Variants in NET1 observed in about 807,000 individuals in gnomAD.
NET1 encodes neuroepithelial cell-transforming gene 1 protein.
In NET1, 42 loss-of-function variants were observed where a neutral mutation model predicts 61.1. The ratio of observed to expected loss-of-function variants is 0.69; its 90% confidence interval spans 0.54 to 0.89. The LOEUF is 0.89. NET1 is among the 40% of genes least tolerant of loss of function. The pLI is 0.00. For synonymous variants in NET1, 254 were observed against 281.8 expected (o/e 0.90, Z 0.99); for missense variants, 654 against 747.3 (o/e 0.88, Z 1.46).
intron 3 of NET1, among the ~76,000 whole-genome samples, chr10:5,430,405 C>T (rs1437730848): frequency 6.9e-6 from 1 of 144,816 alleles, no homozygotes; most frequent in East Asian, 2.0e-4. Context: ...GGCGGAGTCT[C>T]GCTCTGTCTC....
Position 5,426,799 on chromosome 10 carries a change from A to G in NET1, c.195+78A>G, listed in dbSNP as rs1832265196. The G allele has an allele frequency of 1.0e-6, 1 of 969,246 alleles. No individual in the cohort carries two copies. The highest frequency in any genetic ancestry group is 1.5e-6 in the Non-Finnish European group (1 of 666,466). 60.0% of individuals were successfully genotyped at this position (969,246 alleles called of 1,614,324 possible). A position where few individuals can be genotyped will look rare whatever the true frequency, so the allele number is the denominator to read the frequency against. ...TGGTTTCTTTCAGTCTGTTACACAG[A>G]TCAGTGGTCCTTACTTCTGAGGGTC... is the stretch of plus-strand genomic sequence containing the variant. On this transcript the variant is annotated intron_variant, in intron 2 of 11. Transcript: ENST00000355029. This position sits in a 1 kb window ranked among gnomAD's most constrained non-coding sequence, Gnocchi z 4.6.
At position 5,441,643 on chromosome 10, in the gene NET1, T is replaced by C. The variant is rs1027999055; in HGVS notation, c.256-10187T>C. On this transcript the variant is annotated intron_variant, in intron 3 of 11. Transcript: ENST00000355029. The surrounding 1 kb of genome is among the most constrained non-coding windows in gnomAD (Gnocchi z 4.6). ...CATTGTTTTGACAATACCAAACTTA[T>C]TAGCCTATGAGACTATTTTATTTAA... Among the ~76,000 whole-genome samples, 4 of 152,264 alleles carry C rather than the reference T, an allele frequency of 2.6e-5. No homozygotes were observed. Among genetic ancestry groups the C allele is most frequent in the Non-Finnish European group, 5.9e-5 (4 of 68,042 alleles).
rs1832607231 is a variant in NET1, at chr10:5,446,328, A to G, written c.256-5502A>G. Among the ~76,000 whole-genome samples, 1 of 152,138 alleles carries G rather than the reference A, an allele frequency of 6.6e-6. No individual in the cohort carries two copies. The highest frequency in any genetic ancestry group is 6.5e-5 in the Admixed American group (1 of 15,274). On this transcript the variant is annotated intron_variant, in intron 3 of 11. Transcript: ENST00000355029. This position sits in a 1 kb window ranked among gnomAD's most constrained non-coding sequence, Gnocchi z 5.0. ...TCCATACTGAACTTATTCCCATGCA[A>G]TAGGGTTTTATGGGAAAAGTCTGCC...
In NET1 at chr10:5,443,516, A is replaced by C. The variant is rs1832557415; in HGVS notation, c.256-8314A>C. 6.6e-6 allele frequency among the ~76,000 whole-genome samples: 1 copy of C among 152,182 alleles called. No individual in the cohort carries two copies. On this transcript the variant is annotated intron_variant, in intron 3 of 11. Coordinates refer to ENST00000355029, the MANE Select transcript of NET1 (RefSeq NM_001047160.3). This position sits in a 1 kb window ranked among gnomAD's most constrained non-coding sequence, Gnocchi z 4.8. ...CTGAAGAGGATGGGTGAATGATCTC[A>C]GAGGGCCTGTTTAGTCCTCTGGTTT...
rs1273842851 is a variant in NET1, at chr10:5,458,870, G to A, written c.*1876G>A. Reference sequence around the variant, plus strand: ...AAGATTTCTAATCATTTCCAGAGGTGTTGTATAGAATAGTTATTCCAGAGT... The same window carrying A: ...AAGATTTCTAATCATTTCCAGAGGTATTGTATAGAATAGTTATTCCAGAGT... On this transcript the variant is annotated 3_prime_UTR_variant, in exon 12 of 12. Transcript: ENST00000355029. This position sits in a 1 kb window ranked among gnomAD's most constrained non-coding sequence, Gnocchi z 4.5. Among the ~76,000 whole-genome samples the A allele has an allele frequency of 1.3e-5, 2 of 152,208 alleles. No individual in the cohort carries two copies. The highest frequency in any genetic ancestry group is 3.8e-4 in the East Asian group (2 of 5,200).
Position 5,456,620 on chromosome 10 carries a change from C to G in NET1, c.1417C>G (p.Pro473Ala). Residue 473 changes from proline (P) to alanine (A), a missense_variant, in exon 12 of 12, where the codon CCC (proline) becomes GCC (alanine). Physicochemically the swap from Pro to Ala is conservative, Grantham distance 27. Transcript: ENST00000355029. This position sits in a 1 kb window ranked among gnomAD's most constrained non-coding sequence, Gnocchi z 7.0. The stretch of plus-strand genomic sequence containing the variant: ...TATCTTTAGAATTCGCTTCCATGAC[C>G]CCTCTCCAGCCCAGTCTCACACTCT... ...KNIFRIRFHDPSPAQSHTLQA... is the reference protein window; with the variant it reads ...KNIFRIRFHDASPAQSHTLQA... 1 of 1,552,862 alleles carries G rather than the reference C, an allele frequency of 6.4e-7. No individual in the cohort carries two copies. Among genetic ancestry groups the G allele is most frequent in the South Asian group, 1.2e-5 (1 of 83,054 alleles).
In NET1 at chr10:5,451,972, G is replaced by T; in HGVS notation, c.363+35G>T. 1 of 1,495,854 alleles carries T rather than the reference G, an allele frequency of 6.7e-7. No homozygotes were observed. The highest frequency in any genetic ancestry group is 9.3e-7 in the Non-Finnish European group (1 of 1,077,578). The allele number at this position is 1,495,854 out of a possible 1,614,324, so 92.7% of individuals were successfully genotyped here. ...GAGGAGGAAGAGTAATGTAGTCAGC[G>T]GACTTTATAGAAGCCTGGAATTTGT... On this transcript the variant is annotated intron_variant, in intron 4 of 11. Coordinates refer to ENST00000355029, the MANE Select transcript of NET1 (RefSeq NM_001047160.3). This position sits in a 1 kb window ranked among gnomAD's most constrained non-coding sequence, Gnocchi z 6.1.
rs1298550953 is a variant in NET1 at position 5,415,170 on chromosome 10, CTA to C, written c.128+2352_128+2353del. ...AAGATTTGTGTGTATGATTATGTGA[CTA>C]TTGAAAAACGTTCTGCAGGCAAAAC... is the stretch of plus-strand genomic sequence containing the variant. On this transcript the variant is annotated intron_variant, in intron 1 of 11. Coordinates refer to ENST00000355029, the MANE Select transcript of NET1 (RefSeq NM_001047160.3). This position sits in a 1 kb window ranked among gnomAD's most constrained non-coding sequence, Gnocchi z 4.7. Among the ~76,000 whole-genome samples the C allele has an allele frequency of 2.0e-5, 3 of 152,106 alleles. No homozygotes were observed. The highest frequency in any genetic ancestry group is 7.2e-5 in the African/African-American group (3 of 41,398).
In NET1 at chr10:5,412,699, C is replaced by A. The variant is rs1371010835; in HGVS notation, c.7C>A (p.Pro3Thr). ME[P>T]ELAAQKQPRP... The stretch of plus-strand genomic sequence containing the variant: ...CCACCCCCTCCTCCGTGCCATGGAG[C>A]CCGAGCTGGCGGCTCAGAAGCAGCC... The change falls in exon 1 of 12, where the codon CCC becomes ACC. Residue 3 changes from proline (P) to threonine (T), a missense_variant. By Grantham distance (38) the Pro-to-Thr change is conservative. Transcript: ENST00000355029. This position sits in a 1 kb window ranked among gnomAD's most constrained non-coding sequence, Gnocchi z 6.5. The A allele has an allele frequency of 2.0e-6, 3 of 1,473,754 alleles. No individual in the cohort carries two copies. The highest frequency in any genetic ancestry group is 2.7e-6 in the Non-Finnish European group (3 of 1,122,214). 91.3% of individuals were successfully genotyped at this position (1,473,754 alleles called of 1,614,324 possible).
rs1017636367 is a variant in NET1, at chr10:5,437,539, G to T, written c.255+8310G>T. On this transcript the variant is annotated intron_variant, in intron 3 of 11. Coordinates refer to ENST00000355029, the MANE Select transcript of NET1 (RefSeq NM_001047160.3). This position sits in a 1 kb window ranked among gnomAD's most constrained non-coding sequence, Gnocchi z 4.3. ...CTCTATTATAGATGTTTAGAAGTGG[G>T]TTGCAAGTTTTAGTTTTGTTAATAT... Among the ~76,000 whole-genome samples the T allele has an allele frequency of 6.6e-6, 1 of 152,102 alleles. No individual in the cohort carries two copies. Among genetic ancestry groups the T allele is most frequent in the African/African-American group, 2.4e-5 (1 of 41,406 alleles).
rs1832309441 is a variant in NET1, at chr10:5,429,203, G to A, written c.229G>A (p.Val77Ile). The A allele has an allele frequency of 6.2e-7, 1 of 1,610,210 alleles. No homozygotes were observed. Among genetic ancestry groups the A allele is most frequent in the Admixed American group, 1.7e-5 (1 of 59,568 alleles). ...RKRREKDDDV[V>I]SLSSLDLKEP... ...ACGCAGAGAGAAAGATGATGATGTT[G>A]TAAGCCTTAGCAGCCTTGATCTGAA... Residue 77 changes from valine to isoleucine, a missense_variant, in exon 3 of 12, where the codon GTA (valine) becomes ATA (isoleucine). By Grantham distance (29) the Val-to-Ile change is conservative. Coordinates refer to ENST00000355029, the MANE Select transcript of NET1 (RefSeq NM_001047160.3).
At position 5,435,097 on chromosome 10, in the gene NET1, T is replaced by C. The variant is rs780876796; in HGVS notation, c.255+5868T>C. Among the ~76,000 whole-genome samples the C allele has an allele frequency of 6.6e-5, 10 of 152,194 alleles. No individual in the cohort carries two copies. The highest frequency in any genetic ancestry group is 1.2e-4 in the Non-Finnish European group (8 of 68,022). ...AAATAATGATTGGCTAAAACAGAGA[T>C]ACTCAACCCTGGCTGCAGATCAGAG... On this transcript the variant is annotated intron_variant, in intron 3 of 11. Transcript: ENST00000355029. This position sits in a 1 kb window ranked among gnomAD's most constrained non-coding sequence, Gnocchi z 5.0.
At position 5,424,451 on chromosome 10, in the gene NET1, T is replaced by C. The variant is rs1832227457; in HGVS notation, c.129-2204T>C. On this transcript the variant is annotated intron_variant, in intron 1 of 11. Transcript: ENST00000355029. The surrounding 1 kb of genome is among the most constrained non-coding windows in gnomAD (Gnocchi z 6.1). ...GATAGTAATCCTATGTATTTCTTGA[T>C]ACAAATTATAATTTATTTCAGATGA... is the stretch of plus-strand genomic sequence containing the variant. 6.6e-6 allele frequency among the ~76,000 whole-genome samples: 1 copy of C among 152,240 alleles called. No individual in the cohort carries two copies. Among genetic ancestry groups the C allele is most frequent in the South Asian group, 2.1e-4 (1 of 4,832 alleles).
chr10:5,422,291 C>T lies in NET1; in HGVS notation c.129-4364C>T, dbSNP rs551874941. Among the ~76,000 whole-genome samples, 27 of 151,320 alleles carry T rather than the reference C, an allele frequency of 1.8e-4. No homozygotes were observed. The highest frequency in any genetic ancestry group is 6.1e-4 in the African/African-American group (25 of 41,158). Reference sequence around the variant, plus strand: ...GGCGGAGGTTGTAGTGAGCCGAGATCGTACCACTGCACTCCAGCCTGGGTG... The same window carrying T: ...GGCGGAGGTTGTAGTGAGCCGAGATTGTACCACTGCACTCCAGCCTGGGTG... On this transcript the variant is annotated intron_variant, in intron 1 of 11. Coordinates refer to ENST00000355029, the MANE Select transcript of NET1 (RefSeq NM_001047160.3). This position sits in a 1 kb window ranked among gnomAD's most constrained non-coding sequence, Gnocchi z 4.1.
chr10:5,428,121 C>A lies in NET1; in HGVS notation c.196-1049C>A, dbSNP rs952575864. 2.0e-4 allele frequency among the ~76,000 whole-genome samples: 28 copies of A among 143,058 alleles called. 1 individual carries two copies. Among genetic ancestry groups the A allele is most frequent in the Non-Finnish European group, 1.8e-4 (12 of 66,686 alleles). 93.9% of individuals were successfully genotyped at this position (143,058 alleles called of 152,430 possible). A position where few individuals can be genotyped will look rare whatever the true frequency, so the allele number is the denominator to read the frequency against. On this transcript the variant is annotated intron_variant, in intron 2 of 11. Coordinates refer to ENST00000355029, the MANE Select transcript of NET1 (RefSeq NM_001047160.3). Reference sequence around the variant, plus strand: ...TTTGATTCAATTCCCAGCAGTTTCTCCTCACTGTGGGGCCAGGAAGTTGAC... The same window carrying A: ...TTTGATTCAATTCCCAGCAGTTTCTACTCACTGTGGGGCCAGGAAGTTGAC...
Position 5,417,565 on chromosome 10 carries a change from T to G in NET1, c.128+4745T>G, listed in dbSNP as rs1832103609. 6.6e-6 allele frequency among the ~76,000 whole-genome samples: 1 copy of G among 152,206 alleles called. No homozygotes were observed. The highest frequency in any genetic ancestry group is 1.5e-5 in the Non-Finnish European group (1 of 68,036). On this transcript the variant is annotated intron_variant, in intron 1 of 11. Coordinates refer to ENST00000355029, the MANE Select transcript of NET1 (RefSeq NM_001047160.3). The surrounding 1 kb of genome is among the most constrained non-coding windows in gnomAD (Gnocchi z 5.5). ...TTGCTGAGCTCATTAGTTCTAATAG[T>G]TTTTTAGTGGTTTCTTTAGGACTTT...
In NET1 at chr10:5,437,146, C is replaced by T. The variant is rs960648493; in HGVS notation, c.255+7917C>T. ...CATTGTTCTGGCAAAAAATTGAAAC[C>T]GTTTTTTTAAAGACCTCTTTTACTG... On this transcript the variant is annotated intron_variant, in intron 3 of 11. Coordinates refer to ENST00000355029, the MANE Select transcript of NET1 (RefSeq NM_001047160.3). This position sits in a 1 kb window ranked among gnomAD's most constrained non-coding sequence, Gnocchi z 4.3. Among the ~76,000 whole-genome samples the T allele has an allele frequency of 3.3e-5, 5 of 152,062 alleles. No homozygotes were observed. The highest frequency in any genetic ancestry group is 7.4e-5 in the Non-Finnish European group (5 of 67,920).
rs1237425697 is a variant in NET1 at position 5,422,334 on chromosome 10, C to T, written c.129-4321C>T. Among the ~76,000 whole-genome samples, 1 of 149,704 alleles carries T rather than the reference C, an allele frequency of 6.7e-6. No individual in the cohort carries two copies. Among genetic ancestry groups the T allele is most frequent in the East Asian group, 1.9e-4 (1 of 5,150 alleles). ...CCTGGGTGACAGAGCAAAACTCCGT[C>T]TCAAAAAAAAAAAAAGTCTTTGTGT... On this transcript the variant is annotated intron_variant, in intron 1 of 11. Transcript: ENST00000355029. The surrounding 1 kb of genome is among the most constrained non-coding windows in gnomAD (Gnocchi z 4.1).
rs1487301959 is a variant in NET1 at position 5,451,351 on chromosome 10, A to G, written c.256-479A>G. ...AAGTAGTTAAGAATGAAATGATACA[A>G]TGTCTGAGATTTGCTTTAAAACATT... is the stretch of plus-strand genomic sequence containing the variant. On this transcript the variant is annotated intron_variant, in intron 3 of 11. Coordinates refer to ENST00000355029, the MANE Select transcript of NET1 (RefSeq NM_001047160.3). This position sits in a 1 kb window ranked among gnomAD's most constrained non-coding sequence, Gnocchi z 6.1. Among the ~76,000 whole-genome samples the G allele has an allele frequency of 2.6e-5, 4 of 152,170 alleles. No homozygotes were observed. Among genetic ancestry groups the G allele is most frequent in the South Asian group, 2.1e-4 (1 of 4,822 alleles).
Sources: gnomAD v4.1 joint callset for allele counts (sites outside exome capture counted in the v4.1 genomes callset) on GRCh38, gnomAD v4.1.1 for gene constraint, Gnocchi (gnomAD v3.1) non-coding constraint, MANE v1.5 for transcripts, NCBI Gene and HGNC (gene_info 2026-07-23, HGNC 2026-07-21) for gene names.